SYNPO2: variants seen among roughly 807,000 people sequenced by gnomAD.
SYNPO2 encodes the protein synaptopodin-2.
A neutral mutation model predicts 85.0 loss-of-function variants in SYNPO2; 56 were observed. The ratio of observed to expected loss-of-function variants is 0.66; its 90% CI spans 0.53 to 0.82. The LOEUF (loss-of-function observed/expected upper bound fraction) is 0.82, where lower values mean the gene tolerates loss of function less well. Ranked by LOEUF, SYNPO2 falls within the 40% of genes least tolerant of loss-of-function variation. SYNPO2 has a pLI of 0.00. For missense variants in SYNPO2, 1,575 were observed against 1,534.2 expected, an observed-to-expected ratio of 1.03 and a Z score of -0.44; for synonymous variants, 602 against 591.1, an observed-to-expected ratio of 1.02 and a Z score of -0.27.
chr4:119,005,192 T>A (rs984222652), intron 1 of SYNPO2, among the ~76,000 whole-genome samples: 25 of 152,288 alleles, frequency 1.6e-4, no homozygotes, highest in Non-Finnish European at 2.9e-4. Context: ...CTTCACTCTG[T>A]TGGTAGTTTC....
At chr4:118,999,417 G>A (rs1490122967) in intron 1 of SYNPO2, among the ~76,000 whole-genome samples, 3 of 152,070 alleles carry the variant, frequency 2.0e-5, no homozygotes, top group Non-Finnish European at 2.9e-5. Context: ...CTCCCAAAGC[G>A]CTGGAATTAT....
intron 1 of SYNPO2, among the ~76,000 whole-genome samples, chr4:118,890,697 T>TTCTCTCTCTCTCTCTCTCTCTCTCCCTC (rs1732335742): frequency 4.9e-5 from 4 of 81,754 alleles, no homozygotes; most frequent in African/African-American, 1.2e-4. Flanking sequence ...TCTCATCGGT[T>TTCTCTCTCTCTCTCTCTCTCTCTCCCTC]TCTCTCTCTC....
chr4:118,895,238 G>A (rs1226914905), intron 1 of SYNPO2, among the ~76,000 whole-genome samples: 1 of 152,146 alleles, frequency 6.6e-6, no homozygotes, highest in Non-Finnish European at 1.5e-5. Context: ...CCTAGTCACT[G>A]TGGCCAGGCT....
chr4:118,915,686 T>C (rs1396410926), intron 1 of SYNPO2, among the ~76,000 whole-genome samples: 1 of 152,128 alleles, frequency 6.6e-6, no homozygotes. Context: ...CTTCTTTTAG[T>C]TGTATACCCA....
chr4:118,900,703 C>CTCTCTCTCTCTCTATATA (rs1277981772), intron 1 of SYNPO2, among the ~76,000 whole-genome samples: 18 of 43,878 alleles, frequency 4.1e-4, no homozygotes, highest in African/African-American at 5.5e-4. Flanking sequence ...CTCTCTCTCT[C>CTCTCTCTCTCTCTATATA]TATATATATA....
intron 1 of SYNPO2, among the ~76,000 whole-genome samples, chr4:118,930,208 A>G (rs369630989): frequency 1.3e-3 from 192 of 152,326 alleles, no homozygotes; most frequent in Non-Finnish European, 2.4e-3. Flanking sequence ...CAAAAGTCCT[A>G]TGAGAATTGT....
chr4:119,026,970 C>T lies in SYNPO2; in HGVS notation c.601C>T (p.Leu201=), dbSNP rs1352026336. The T allele has an allele frequency of 6.2e-7, 1 of 1,614,186 alleles. No homozygotes were observed. The highest frequency in any genetic ancestry group is 8.5e-7 in the Non-Finnish European group (1 of 1,180,032). Residue 201 remains leucine (L), a synonymous_variant, in exon 3 of 5, where the codon CTG becomes TTG. Coordinates refer to ENST00000307142, the MANE Select transcript of SYNPO2 (RefSeq NM_133477.3). ...VQPGPVVELQ[L]SLSQERHKGA... ...GCCTGGGCCTGTGGTTGAGCTGCAA[C>T]TGTCCCTTTCACAGGAGAGACATAA...
At chr4:118,996,168 CT>C (rs1736587408) in intron 1 of SYNPO2, among the ~76,000 whole-genome samples, 1 of 152,202 alleles carries the variant, frequency 6.6e-6, no homozygotes, top group Non-Finnish European at 1.5e-5. Context: ...CTAAGCTGTG[CT>C]TTGGTTCCCA....
rs749618048 is a variant in SYNPO2, at chr4:119,027,092, AAATTCGATCCC to A, written c.724_734del (p.Asn242TyrfsTer2). The stretch of plus-strand genomic sequence containing the variant: ...TGTCACATGACAGGATTGTCCACAT[AAATTCGATCCC>A]TACTAATGAGAAAGCAGACCCTTTC... On this transcript the variant is annotated frameshift_variant, in exon 3 of 5. Transcript: ENST00000307142. LOFTEE classifies it high-confidence loss of function. 1 of 1,614,158 alleles carries A rather than the reference AAATTCGATCCC, an allele frequency of 6.2e-7. No homozygotes were observed. Among genetic ancestry groups the A allele is most frequent in the Admixed American group, 1.7e-5 (1 of 60,020 alleles).
rs547340006 is a variant in SYNPO2, at chr4:119,008,449, T to C, written c.106-14981T>C. 1.1e-4 allele frequency among the ~76,000 whole-genome samples: 17 copies of C among 151,370 alleles called. No individual in the cohort carries two copies. The South Asian group carries it at 1.2e-3, about 11-fold the overall frequency. On this transcript the variant is annotated intron_variant, in intron 1 of 4. Coordinates refer to ENST00000307142, the MANE Select transcript of SYNPO2 (RefSeq NM_133477.3). ...AATTGCACAGGCTTTTTTTTTTTTT[T>C]CCTTGGCAAAGCAAGCTTTGAATGA...
At chr4:118,888,685 C>T (rs979583161), upstream of SYNPO2, among the ~76,000 whole-genome samples, 2 of 152,158 alleles carry the variant, frequency 1.3e-5, no homozygotes, top group East Asian at 3.9e-4. Context: ...TTTGGCTCTC[C>T]CTTCCGTCCT....
intron 4 of SYNPO2, chr4:119,032,908 T>A (rs944806848): frequency 2.0e-5 from 19 of 953,012 alleles, no homozygotes; most frequent in Non-Finnish European, 2.4e-5. Context: ...GAAAGAAGGA[T>A]AATTATCTTT....
At chr4:118,856,518 T>C (rs894780373) in intron 1 of SYNPO2, among the ~76,000 whole-genome samples, 3 of 152,140 alleles carry the variant, frequency 2.0e-5, no homozygotes, top group African/African-American at 7.2e-5. Context: ...TTTTATTTTA[T>C]TTTATTTCAT....
At chr4:118,933,829 G>GTTGTTT (rs1553939088) in intron 1 of SYNPO2, among the ~76,000 whole-genome samples, 2 of 102,318 alleles carry the variant, frequency 2.0e-5, no homozygotes, top group African/African-American at 6.8e-5. Context: ...TGTTGTTGTT[G>GTTGTTT]TTTTTTTTTT....
chr4:118,857,567 G>A (rs1731527600), intron 1 of SYNPO2, among the ~76,000 whole-genome samples: 1 of 151,706 alleles, frequency 6.6e-6, no homozygotes, highest in Non-Finnish European at 1.5e-5. Context: ...ACTGAAACAA[G>A]ACAGAATTTT....
At chr4:118,882,087 A>C (rs1458511900) in intron 1 of SYNPO2, among the ~76,000 whole-genome samples, 2 of 152,234 alleles carry the variant, frequency 1.3e-5, no homozygotes. Flanking sequence ...AGCATTTTAA[A>C]GACTTTGCTG....
chr4:118,940,510 A>G (rs1734270378), intron 1 of SYNPO2, among the ~76,000 whole-genome samples: 1 of 151,064 alleles, frequency 6.6e-6, no homozygotes, highest in Non-Finnish European at 1.5e-5. Flanking sequence ...TTTTTCATTC[A>G]TTTGACAAAT....
intron 1 of SYNPO2, among the ~76,000 whole-genome samples, chr4:118,968,331 C>T (rs542726424): frequency 6.6e-6 from 1 of 152,126 alleles, no homozygotes. Flanking sequence ...AGTCTGGAGA[C>T]GAAATGTTTG....
intron 1 of SYNPO2, among the ~76,000 whole-genome samples, chr4:118,930,313 T>C (rs1183405145): frequency 6.6e-6 from 1 of 152,136 alleles, no homozygotes; most frequent in Non-Finnish European, 1.5e-5. Context: ...GATTCTGACT[T>C]TTTGTCAGTT....
Sources: gnomAD v4.1 joint callset for allele counts (sites outside exome capture counted in the v4.1 genomes callset) on GRCh38, gnomAD v4.1.1 for gene constraint, MANE v1.5 for transcripts, NCBI Gene and HGNC (gene_info 2026-07-23, HGNC 2026-07-21) for gene names.